The following TTC7B variants were observed in gnomAD, a reference collection of about 807,000 sequenced individuals.
The protein encoded by TTC7B is tetratricopeptide repeat domain 7B, also known as tetratricopeptide repeat protein 7B.
A neutral mutation model predicts 106.8 loss-of-function variants in TTC7B; 28 were observed. The observed-to-expected ratio is 0.26, with a 90% CI of 0.19 to 0.36. TTC7B has a LOEUF of 0.36. TTC7B is among the 10% of genes least tolerant of loss of function. The pLI, the probability that TTC7B is intolerant of heterozygous loss-of-function variation, is 1.00. For missense variants in TTC7B, 862 were observed against 1,076.4 expected (o/e 0.80, Z 2.79); for synonymous variants, 405 against 430.6 (o/e 0.94, Z 0.74).
chr14:90,673,451 G>A (rs1464079498), intron 9 of TTC7B, among the ~76,000 whole-genome samples: 4 of 152,138 alleles, frequency 2.6e-5, no homozygotes, highest in Non-Finnish European at 2.9e-5. Flanking sequence ...GAAGGAGCGC[G>A]GGTCTGTCGA....
intron 1 of TTC7B, among the ~76,000 whole-genome samples, chr14:90,812,684 G>A (rs920438070): frequency 1.3e-5 from 2 of 151,892 alleles, no homozygotes; most frequent in African/African-American, 2.4e-5. Flanking sequence ...CGGGTCTGGT[G>A]CACAGCTAGG....
At chr14:90,794,202 T>C (rs568036462) in intron 1 of TTC7B, among the ~76,000 whole-genome samples, 345 of 132,960 alleles carry the variant, frequency 2.6e-3, no homozygotes, top group African/African-American at 9.1e-3. Context: ...TGCACCTGGC[T>C]GGGTATTTCT....
chr14:90,610,669 C>T (rs1364051528), intron 17 of TTC7B, 73 bp downstream of exon 17: 1 of 1,102,812 alleles, frequency 9.1e-7, no homozygotes, highest in Non-Finnish European at 1.4e-6. Context: ...TCAGTCTCAT[C>T]CCATGTCACT....
intron 16 of TTC7B, among the ~76,000 whole-genome samples, chr14:90,611,512 T>A (rs985914430): frequency 1.3e-5 from 2 of 152,150 alleles, no homozygotes; most frequent in Non-Finnish European, 2.9e-5. Context: ...TGGTTAACTT[T>A]CCTGCTGGTG....
intron 19 of TTC7B, among the ~76,000 whole-genome samples, chr14:90,546,490 C>T (rs757449827): frequency 6.6e-6 from 1 of 152,252 alleles, no homozygotes; most frequent in Non-Finnish European, 1.5e-5. Flanking sequence ...CTGCAGGACG[C>T]AGCCCCAGCC....
chr14:90,609,166 C>A (rs1892776625), intron 17 of TTC7B, among the ~76,000 whole-genome samples: 1 of 152,196 alleles, frequency 6.6e-6, no homozygotes, highest in South Asian at 2.1e-4. Context: ...GGCTCTCTGC[C>A]TGGTGTGCAG....
intron 9 of TTC7B, among the ~76,000 whole-genome samples, chr14:90,659,023 G>A (rs577677512): frequency 6.6e-6 from 1 of 152,290 alleles, no homozygotes; most frequent in African/African-American, 2.4e-5. Flanking sequence ...GGCAGGCCAG[G>A]AACAAAGTGG....
chr14:90,767,813 A>G (rs1335530053), intron 3 of TTC7B, among the ~76,000 whole-genome samples: 1 of 152,242 alleles, frequency 6.6e-6, no homozygotes, highest in Non-Finnish European at 1.5e-5. Context: ...TGTGGGAATT[A>G]TAGAAGGAAA....
At chr14:90,758,848 TGGG>T in intron 3 of TTC7B, among the ~76,000 whole-genome samples, 1 of 152,272 alleles carries the variant, frequency 6.6e-6, no homozygotes, top group African/African-American at 2.4e-5. Flanking sequence ...CCTTCTCAAA[TGGG>T]GGCTCTATTC....
At position 90,591,593 on chromosome 14, in the gene TTC7B, G is replaced by A. The variant is rs933338192; in HGVS notation, c.2107+1893C>T. ...GAAGCACCACCTTCGAGGTCAGGGG[G>A]GCTAGTTCCACCCTGGAGGGATGGC... On this transcript the variant is annotated intron_variant, in intron 18 of 19. Coordinates refer to ENST00000328459, the MANE Select transcript of TTC7B (RefSeq NM_001010854.2). Among the ~76,000 whole-genome samples, 5 of 152,124 alleles carry A rather than the reference G, an allele frequency of 3.3e-5. No individual in the cohort carries two copies. The East Asian group carries it at 5.8e-4, about 18-fold the overall frequency.
chr14:90,653,690 G>A (rs1885828475), intron 12 of TTC7B, among the ~76,000 whole-genome samples: 1 of 152,188 alleles, frequency 6.6e-6, no homozygotes, highest in Non-Finnish European at 1.5e-5. Context: ...TCCCAGCCTG[G>A]CATGAGACTG....
chr14:90,597,310 G>C (rs1245676320), intron 17 of TTC7B, among the ~76,000 whole-genome samples: 1 of 152,128 alleles, frequency 6.6e-6, no homozygotes, highest in African/African-American at 2.4e-5. Context: ...AGTATTGGAA[G>C]GAGGGGGAAG....
chr14:90,745,284 A>G (rs1595343583), intron 3 of TTC7B, among the ~76,000 whole-genome samples: 1 of 127,636 alleles, frequency 7.8e-6, no homozygotes, highest in East Asian at 2.3e-4. Flanking sequence ...CAATAGATGG[A>G]GACCCTGTCT....
intron 2 of TTC7B, among the ~76,000 whole-genome samples, chr14:90,782,816 T>A (rs757312991): frequency 2.6e-5 from 4 of 152,074 alleles, no homozygotes; most frequent in African/African-American, 4.8e-5. Context: ...TCTGGGAAGA[T>A]GCAAAGAGTC....
intron 18 of TTC7B, among the ~76,000 whole-genome samples, chr14:90,589,186 C>T (rs2139817183): frequency 6.6e-6 from 1 of 152,274 alleles, no homozygotes; most frequent in Non-Finnish European, 1.5e-5. Flanking sequence ...ATGGACAAAA[C>T]TTATCAAAAT....
At position 90,742,612 on chromosome 14, in the gene TTC7B, T is replaced by C. The variant is rs566839908; in HGVS notation, c.576+2180A>G. On this transcript the variant is annotated intron_variant, in intron 4 of 19. Transcript: ENST00000328459. The surrounding 1 kb of genome is among the most constrained non-coding windows in gnomAD (Gnocchi z 4.1). The stretch of plus-strand genomic sequence containing the variant: ...GTGTGAGTGGAGTTCTAAAACTAGT[T>C]TTGGCCTAACTTTCTGTGTGCCTGG... 1.5e-3 allele frequency among the ~76,000 whole-genome samples: 236 copies of C among 152,308 alleles called. 1 individual carries two copies. The highest frequency in any genetic ancestry group is 3.5e-3 in the Admixed American group (54 of 15,296).
intron 1 of TTC7B, among the ~76,000 whole-genome samples, chr14:90,795,482 T>A (rs560085851): frequency 1.3e-5 from 2 of 152,082 alleles, no homozygotes; most frequent in South Asian, 4.2e-4. Context: ...AGAAGTGCAG[T>A]TTACAGAAAG....
At chr14:90,591,221 A>C (rs1357883023) in intron 18 of TTC7B, among the ~76,000 whole-genome samples, 1 of 152,106 alleles carries the variant, frequency 6.6e-6, no homozygotes, top group Non-Finnish European at 1.5e-5. Context: ...GGCACCTGTA[A>C]TCCCAGCTAT....
At chr14:90,760,896 A>T (rs1890477378) in intron 3 of TTC7B, among the ~76,000 whole-genome samples, 1 of 152,246 alleles carries the variant, frequency 6.6e-6, no homozygotes, top group Non-Finnish European at 1.5e-5. Context: ...TCCCCAGGAT[A>T]GCACCCTCTT....
Sources: allele counts gnomAD v4.1 joint callset (sites outside exome capture counted in the v4.1 genomes callset), GRCh38; gene constraint gnomAD v4.1.1; non-coding constraint Gnocchi (gnomAD v3.1); transcripts MANE v1.5; gene names NCBI Gene and HGNC (gene_info 2026-07-23, HGNC 2026-07-21).